Variants in TUFT1 observed in about 807,000 individuals in gnomAD.
TUFT1 encodes tuftelin 1.
TUFT1 carries 43 observed loss-of-function variants against 57.8 expected under a neutral mutation model. The observed-to-expected ratio is 0.74, with a 90% CI of 0.58 to 0.96. TUFT1 has a LOEUF of 0.96. TUFT1 is among the 40% of genes least tolerant of loss of function. The pLI is 0.00. For missense variants in TUFT1, 459 were observed against 489.0 expected, an observed-to-expected ratio of 0.94 and a Z score of 0.58; for synonymous variants, 166 against 176.7, an observed-to-expected ratio of 0.94 and a Z score of 0.48.
chr1:151,554,844 C>T (rs1665631368), intron 1 of TUFT1, among the ~76,000 whole-genome samples: 1 of 149,914 alleles, frequency 6.7e-6, no homozygotes. Context: ...GCTGGGACTA[C>T]AGGCATGTGC....
intron 12 of TUFT1, 103 bp downstream of exon 12, chr1:151,581,145 A>G: frequency 9.1e-7 from 1 of 1,094,992 alleles, no homozygotes; most frequent in South Asian, 1.4e-5. Flanking sequence ...AGGCTCCTTT[A>G]AATCCAACTT....
In TUFT1 at chr1:151,569,825, G is replaced by A. The variant is rs1266649015; in HGVS notation, c.594+55G>A. On this transcript the variant is annotated intron_variant, in intron 7 of 12. Coordinates refer to ENST00000368849, the MANE Select transcript of TUFT1 (RefSeq NM_020127.3). ...CCTAAGGGATGGGCTACTGAACACA[G>A]GTGCCAGTGATGTCTCAGCTTGGAC... is the stretch of plus-strand genomic sequence containing the variant. 11 of 1,389,776 alleles carry A rather than the reference G, an allele frequency of 7.9e-6. No individual in the cohort carries two copies. In the South Asian group the frequency reaches 9.3e-5, roughly 12 times the overall value. The allele number at this position is 1,389,776 out of a possible 1,614,324, so 86.1% of individuals were successfully genotyped here.
chr1:151,549,829 C>G (rs948284773), intron 1 of TUFT1, among the ~76,000 whole-genome samples: 1 of 152,154 alleles, frequency 6.6e-6, no homozygotes, highest in Non-Finnish European at 1.5e-5. Context: ...TCAATTGATC[C>G]TCTCACCTCA....
chr1:151,551,522 G>A (rs1359031645), intron 1 of TUFT1, among the ~76,000 whole-genome samples: 2 of 152,112 alleles, frequency 1.3e-5, no homozygotes, highest in Non-Finnish European at 2.9e-5. Flanking sequence ...TGGGATAAGG[G>A]TCGGACCCTC....
chr1:151,568,254 C>T (rs1666144030), intron 6 of TUFT1, among the ~76,000 whole-genome samples: 4 of 152,090 alleles, frequency 2.6e-5, no homozygotes, highest in Admixed American at 2.0e-4. Flanking sequence ...CTCTCCACCT[C>T]CTGCAAGAGA....
chr1:151,578,797 C>T lies in TUFT1; in HGVS notation c.895C>T (p.Gln299Ter). The change falls in exon 10 of 13, where the codon CAG becomes TAG. Residue 299 changes from glutamine to a stop codon, truncating the protein, a stop_gained. Coordinates refer to ENST00000368849, the MANE Select transcript of TUFT1 (RefSeq NM_020127.3). LOFTEE classifies it high-confidence loss of function. ...HHLDDMLKSQ[Q>*]RKVRQMIEQL... ...CTTGGATGACATGCTCAAGAGCCAG[C>T]AGCGGAAAGTCCGGCAAATGATAGA... 6.3e-7 allele frequency: 1 copy of T among 1,578,880 alleles called. No individual in the cohort carries two copies.
chr1:151,560,347 C>T (rs1251246719), intron 1 of TUFT1, among the ~76,000 whole-genome samples: 8 of 151,956 alleles, frequency 5.3e-5, no homozygotes, highest in Non-Finnish European at 1.0e-4. Context: ...GCCCAGGAGA[C>T]GGAGGCTGCA....
In TUFT1 at chr1:151,553,382, G is replaced by A. The variant is rs543106416; in HGVS notation, c.61-8709G>A. 7.9e-5 allele frequency among the ~76,000 whole-genome samples: 12 copies of A among 152,264 alleles called. No individual in the cohort carries two copies. In the East Asian group the frequency reaches 9.6e-4, roughly 12 times the overall value. ...ATTACAGGCATGAGCCACTGCACCCGGCCAGATAATTTCTTTATAGCTAGC... is the reference window on the plus strand; with the variant it reads ...ATTACAGGCATGAGCCACTGCACCCAGCCAGATAATTTCTTTATAGCTAGC... On this transcript the variant is annotated intron_variant, in intron 1 of 12. Transcript: ENST00000368849.
intron 9 of TUFT1, among the ~76,000 whole-genome samples, chr1:151,578,374 A>G (rs1038872148): frequency 6.6e-5 from 10 of 152,008 alleles, no homozygotes; most frequent in African/African-American, 2.2e-4. Context: ...CAGTGGCGCC[A>G]TCTTGGCTCA....
chr1:151,574,998 C>A lies in TUFT1; in HGVS notation c.811C>A (p.Arg271=), dbSNP rs769921237. The A allele has an allele frequency of 3.8e-6, 6 of 1,561,282 alleles. No homozygotes were observed. The highest frequency in any genetic ancestry group is 2.4e-5 in the South Asian group (2 of 84,518). Residue 271 remains arginine (R), a synonymous_variant, in exon 9 of 13, where the codon CGA becomes AGA. Coordinates refer to ENST00000368849, the MANE Select transcript of TUFT1 (RefSeq NM_020127.3). ...RSNNADCQAE[R]EKAATLEKEV... ...CAACAATGCTGACTGCCAAGCAGAA[C>A]GAGAAAAGTAAGGGCTTGGCTCTTG...
chr1:151,561,907 C>A (rs1665909247), intron 1 of TUFT1, 184 bp from the exon 2 acceptor site: 2 of 1,515,638 alleles, frequency 1.3e-6, no homozygotes, highest in Non-Finnish European at 1.8e-6. Context: ...AGAGTCACCA[C>A]CCCAAACACC....
intron 6 of TUFT1, among the ~76,000 whole-genome samples, chr1:151,568,877 G>A (rs1347003218): frequency 6.6e-6 from 1 of 152,164 alleles, no homozygotes; most frequent in Non-Finnish European, 1.5e-5. Context: ...TGTACTGACT[G>A]CCTCACAGAT....
intron 9 of TUFT1, among the ~76,000 whole-genome samples, chr1:151,576,745 C>T (rs1666476008): frequency 6.6e-6 from 1 of 152,044 alleles, no homozygotes; most frequent in African/African-American, 2.4e-5. Flanking sequence ...CTCAGCCTCC[C>T]AGGAGGTAGC....
At chr1:151,569,267 A>G (rs1666174419) in intron 6 of TUFT1, among the ~76,000 whole-genome samples, 1 of 152,170 alleles carries the variant, frequency 6.6e-6, no homozygotes, top group South Asian at 2.1e-4. Flanking sequence ...GTCCTGTGGG[A>G]ACTCTAGTCC....
chr1:151,570,454 G>A (rs546179642), intron 7 of TUFT1, among the ~76,000 whole-genome samples: 1 of 152,026 alleles, frequency 6.6e-6, no homozygotes, highest in East Asian at 1.9e-4. Flanking sequence ...ACTAATTTTT[G>A]TGTTTTTAGA....
intron 7 of TUFT1, among the ~76,000 whole-genome samples, chr1:151,571,853 G>A (rs571324024): frequency 2.0e-5 from 3 of 152,288 alleles, no homozygotes; most frequent in Non-Finnish European, 4.4e-5. Context: ...TTTAGAAGGG[G>A]TTATTTTTCT....
At chr1:151,562,312 C>T in intron 2 of TUFT1, 147 bp downstream of exon 2, 1 of 731,168 alleles carries the variant, frequency 1.4e-6, no homozygotes, top group Admixed American at 2.5e-5. Flanking sequence ...TTGCCTCAGC[C>T]TTCTGCACTG....
intron 1 of TUFT1, among the ~76,000 whole-genome samples, chr1:151,545,282 C>T (rs1053117040): frequency 4.6e-5 from 7 of 151,474 alleles, no homozygotes; most frequent in African/African-American, 1.7e-4. Context: ...TGCACTCCAG[C>T]CTGGGCAACA....
At chr1:151,571,791 AT>A (rs1339484249) in intron 7 of TUFT1, among the ~76,000 whole-genome samples, 3 of 152,178 alleles carry the variant, frequency 2.0e-5, no homozygotes, top group Admixed American at 6.5e-5. Flanking sequence ...GCCGCTCTGG[AT>A]TTCAGAGCCT....
Sources: allele counts gnomAD v4.1 joint callset (sites outside exome capture counted in the v4.1 genomes callset), GRCh38; gene constraint gnomAD v4.1.1; transcripts MANE v1.5; gene names NCBI Gene and HGNC (gene_info 2026-07-23, HGNC 2026-07-21).